Variants in ADGRF5 observed in about 807,000 individuals in gnomAD.
ADGRF5 encodes adhesion G protein-coupled receptor F5.
Under a neutral mutation model 132.3 loss-of-function variants are expected in ADGRF5, and 75 were observed. That is an observed-to-expected ratio of 0.57 (90% CI 0.47 to 0.69). The LOEUF (loss-of-function observed/expected upper bound fraction) is 0.69. Among genes scored for constraint, ADGRF5 ranks in the 30% least tolerant of loss-of-function variants. ADGRF5 has a pLI of 0.00. For missense variants in ADGRF5, 1,516 were observed against 1,630.6 expected (o/e 0.93, Z 1.21); for synonymous variants, 629 against 597.6 (o/e 1.05, Z -0.77).
upstream of ADGRF5, among the ~76,000 whole-genome samples, chr6:46,924,009 G>A (rs919566714): frequency 2.0e-5 from 3 of 152,152 alleles, no homozygotes; most frequent in Admixed American, 6.5e-5. Context: ...AATATGAAAT[G>A]TCTCTCATGG....
upstream of ADGRF5, among the ~76,000 whole-genome samples, chr6:46,926,485 G>A (rs930398133): frequency 1.4e-5 from 2 of 138,030 alleles, no homozygotes; most frequent in African/African-American, 5.8e-5. Context: ...TCGGGTGAGG[G>A]GGGGGGCAGT....
intron 1 of ADGRF5, among the ~76,000 whole-genome samples, chr6:46,951,220 G>A (rs889224646): frequency 2.6e-5 from 4 of 152,236 alleles, no homozygotes; most frequent in Admixed American, 2.6e-4. Flanking sequence ...CATGGTGGAA[G>A]CCTGGAGGCA....
rs747219338 is a variant in ADGRF5, at chr6:46,858,855, A to T, written c.3048T>A (p.Ser1016=). 6.2e-6 allele frequency: 10 copies of T among 1,614,098 alleles called. No homozygotes were observed. In the East Asian group the frequency reaches 2.2e-4, roughly 36 times the overall value. ...AGATGGAAAAGCCCACCCCAACATA[A>T]GAAATAATATCCAGGAGTATTCCCA... ...SLLGILLDII[S]YVGVGFSILS... Residue 1016 remains serine, a synonymous_variant, in exon 17 of 21, where the codon TCT becomes TCA. Coordinates refer to ENST00000283296, the MANE Select transcript of ADGRF5 (RefSeq NM_001098518.2).
chr6:46,884,010 G>A, intron 5 of ADGRF5, 85 bp downstream of exon 5: 4 of 1,095,254 alleles, frequency 3.7e-6, no homozygotes, highest in Non-Finnish European at 5.5e-6. Flanking sequence ...TCAAAGTGCT[G>A]GGATTACAGG....
At chr6:46,889,799 T>TATATAC (rs1467327228) in intron 3 of ADGRF5, among the ~76,000 whole-genome samples, 1 of 141,850 alleles carries the variant, frequency 7.0e-6, no homozygotes, top group African/African-American at 2.6e-5. Flanking sequence ...TATATATATA[T>TATATAC]ACATAGTTTT....
At chr6:46,880,833 G>A (rs188386946) in intron 8 of ADGRF5, among the ~76,000 whole-genome samples, 1 of 152,214 alleles carries the variant, frequency 6.6e-6, no homozygotes, top group East Asian at 1.9e-4. Context: ...GCTCATGCCT[G>A]TAATCCCAAC....
At chr6:46,909,723 C>T (rs1294888839) in intron 1 of ADGRF5, among the ~76,000 whole-genome samples, 1 of 152,132 alleles carries the variant, frequency 6.6e-6, no homozygotes, top group Non-Finnish European at 1.5e-5. Flanking sequence ...GCCTGCAATC[C>T]CAGCATTTTC....
At chr6:46,878,169 C>T (rs1179442691) in intron 10 of ADGRF5, 33 bp downstream of exon 10, 1 of 1,443,314 alleles carries the variant, frequency 6.9e-7, no homozygotes, top group Non-Finnish European at 9.8e-7. Context: ...AGGCAAAAAC[C>T]TATTTGCAAA....
intron 19 of ADGRF5, among the ~76,000 whole-genome samples, chr6:46,856,397 C>A (rs1189016633): frequency 6.6e-6 from 1 of 152,176 alleles, no homozygotes; most frequent in Non-Finnish European, 1.5e-5. Context: ...TGAATCCCCC[C>A]AGAAGATTGC....
intron 4 of ADGRF5, 165 bp downstream of exon 4, chr6:46,888,170 G>A (rs1773250256): frequency 3.4e-6 from 2 of 582,128 alleles, no homozygotes; most frequent in South Asian, 2.3e-5. Context: ...TTTACTGATA[G>A]AGGCTTCATT....
intron 19 of ADGRF5, 82 bp from the exon 20 acceptor site, chr6:46,856,140 C>G: frequency 1.3e-6 from 1 of 793,600 alleles, no homozygotes; most frequent in Non-Finnish European, 2.2e-6. Context: ...GATTGATTTT[C>G]CACCCTCTAG....
At chr6:46,884,021 C>A (rs534916144) in intron 5 of ADGRF5, 74 bp downstream of exon 5, 24 of 1,206,076 alleles carry the variant, frequency 2.0e-5, no homozygotes, top group Non-Finnish European at 2.1e-5. Flanking sequence ...GGATTACAGG[C>A]ATGAGCCACC....
chr6:46,863,950 CT>C (rs1238592165), intron 14 of ADGRF5, among the ~76,000 whole-genome samples: 1 of 152,220 alleles, frequency 6.6e-6, no homozygotes, highest in Non-Finnish European at 1.5e-5. Context: ...GTGAAAGTGA[CT>C]CTAAATTGTT....
chr6:46,882,174 A>T, intron 6 of ADGRF5, 67 bp from the exon 7 acceptor site: 1 of 1,077,548 alleles, frequency 9.3e-7, no homozygotes, highest in East Asian at 2.4e-5. Flanking sequence ...AAAGATCTGA[A>T]GCAGAGTAAA....
intron 15 of ADGRF5, 90 bp from the exon 16 acceptor site, chr6:46,860,984 A>C: frequency 1.0e-6 from 1 of 968,370 alleles, no homozygotes; most frequent in Non-Finnish European, 1.5e-6. Flanking sequence ...AATCTCTCAC[A>C]TCCGTTGTTT....
chr6:46,918,502 C>A (rs1185214893), intron 1 of ADGRF5, among the ~76,000 whole-genome samples: 1 of 152,066 alleles, frequency 6.6e-6, no homozygotes, highest in Non-Finnish European at 1.5e-5. Flanking sequence ...TTCTTTTTTT[C>A]CCCTTTCTCT....
At chr6:46,939,343 G>A (rs530869437) in intron 1 of ADGRF5, among the ~76,000 whole-genome samples, 1 of 152,190 alleles carries the variant, frequency 6.6e-6, no homozygotes, top group African/African-American at 2.4e-5. Flanking sequence ...AGGGCTCAAG[G>A]TGGGCTCAAG....
rs572621272 is a variant in ADGRF5, at chr6:46,882,512, C to A, written c.613-405G>T. 2.6e-5 allele frequency among the ~76,000 whole-genome samples: 4 copies of A among 152,234 alleles called. No individual in the cohort carries two copies. The South Asian group carries it at 8.3e-4, about 32-fold the overall frequency. Reference sequence around the variant, plus strand: ...TCTGCCAGACACAGATGTGTTGTGCCCCTTCATTGGTAGGGAGCAGCGGTG... The same window carrying A: ...TCTGCCAGACACAGATGTGTTGTGCACCTTCATTGGTAGGGAGCAGCGGTG... On this transcript the variant is annotated intron_variant, in intron 6 of 20. Transcript: ENST00000283296.
intron 1 of ADGRF5, among the ~76,000 whole-genome samples, chr6:46,940,775 A>G (rs1403776879): frequency 1.3e-5 from 2 of 152,218 alleles, no homozygotes; most frequent in Non-Finnish European, 2.9e-5. Context: ...TTGACCCCTT[A>G]CAGACAAAAA....
Sources: allele counts gnomAD v4.1 joint callset (sites outside exome capture counted in the v4.1 genomes callset), GRCh38; gene constraint gnomAD v4.1.1; transcripts MANE v1.5; gene names NCBI Gene and HGNC (gene_info 2026-07-23, HGNC 2026-07-21).